Variants in LCOR observed in about 807,000 individuals in gnomAD.
LCOR encodes ligand-dependent corepressor.
A neutral mutation model predicts 64.4 loss-of-function variants in LCOR; 14 were observed. That is an observed-to-expected ratio of 0.22 (90% CI 0.14 to 0.34). The LOEUF is 0.34. Ranked by LOEUF, LCOR falls within the 10% of genes least tolerant of loss-of-function variation. The pLI, the probability that LCOR is intolerant of heterozygous loss-of-function variation, is 1.00. For missense variants in LCOR, 1,686 were observed against 1,765.3 expected, an observed-to-expected ratio of 0.96 and a Z score of 0.80; for synonymous variants, 643 against 642.5, an observed-to-expected ratio of 1.00 and a Z score of -0.01.
chr10:96,834,315 A>G lies in LCOR; in HGVS notation c.-330+836A>G, dbSNP rs186036868. 4.6e-5 allele frequency among the ~76,000 whole-genome samples: 7 copies of G among 152,342 alleles called. No individual in the cohort carries two copies. The East Asian group carries it at 9.6e-4, about 21-fold the overall frequency. On this transcript the variant is annotated intron_variant, in intron 2 of 7. Coordinates refer to ENST00000421806, the MANE Select transcript of LCOR (RefSeq NM_001346516.2). ...TAAAGGCATGAGTCAGTTTTTTGGTATAATTCGTCTCATGAATATATTTTA... is the reference window on the plus strand; with the variant it reads ...TAAAGGCATGAGTCAGTTTTTTGGTGTAATTCGTCTCATGAATATATTTTA...
chr10:96,935,139 C>CTTTTTTTTTT (rs34176037), intron 4 of LCOR, among the ~76,000 whole-genome samples: 3 of 65,546 alleles, frequency 4.6e-5, no homozygotes, highest in Non-Finnish European at 8.8e-5. Flanking sequence ...GGCTATTTTA[C>CTTTTTTTTTT]TTTTTTTTTT....
At chr10:96,955,485 A>G (rs1207771687) in intron 7 of LCOR, 2 of 1,614,092 alleles carry the variant, frequency 1.2e-6, no homozygotes, top group East Asian at 2.2e-5. Flanking sequence ...GAGCGCGCTT[A>G]GTAAAAAATT....
At chr10:96,909,328 A>C (rs1008446170) in intron 4 of LCOR, among the ~76,000 whole-genome samples, 17 of 152,162 alleles carry the variant, frequency 1.1e-4, no homozygotes, top group African/African-American at 3.9e-4. Flanking sequence ...CTTGTCTTCT[A>C]TACAGTTTTC....
intron 4 of LCOR, among the ~76,000 whole-genome samples, chr10:96,941,183 G>A (rs1362562104): frequency 2.1e-4 from 29 of 134,932 alleles, no homozygotes; most frequent in Non-Finnish European, 3.4e-4. Flanking sequence ...CTGGCCAGGC[G>A]GGGGGCTGAC....
chr10:96,949,418 A>C (rs1306567813), intron 6 of LCOR, 123 bp downstream of exon 6: 1 of 908,038 alleles, frequency 1.1e-6, no homozygotes, highest in African/African-American at 1.7e-5. Context: ...TGTGATTCTT[A>C]AATTATTTCT....
chr10:96,904,526 G>C (rs1846694736), intron 2 of LCOR, among the ~76,000 whole-genome samples: 2 of 152,292 alleles, frequency 1.3e-5, no homozygotes, highest in African/African-American at 4.8e-5. Context: ...ACATGGTGCA[G>C]GTTGCAGTGA....
Position 96,981,458 on chromosome 10 carries a change from G to A in LCOR, c.998G>A (p.Gly333Asp). Residue 333 changes from glycine to aspartate, a missense_variant, in exon 8 of 8, where the codon GGC becomes GAC. Gly to Asp is a moderately conservative substitution (Grantham distance 94). Transcript: ENST00000421806. ...VKMAAENSEEGNTCIIPQRNL... is the reference protein window; with the variant it reads ...VKMAAENSEEDNTCIIPQRNL... ...ATGGCAGCTGAGAATAGTGAGGAAG[G>A]CAATACCTGTATTATTCCTCAAAGA... 6.2e-7 allele frequency: 1 copy of A among 1,613,372 alleles called. No homozygotes were observed. Among genetic ancestry groups the A allele is most frequent in the Non-Finnish European group, 8.5e-7 (1 of 1,179,334 alleles).
At chr10:96,850,490 T>A (rs114220841) in intron 2 of LCOR, among the ~76,000 whole-genome samples, 2,636 of 152,274 alleles carry the variant, frequency 0.017, 70 homozygotes, top group African/African-American at 0.058. Context: ...AATTATTATT[T>A]TTTATTTATT....
Position 96,983,635 on chromosome 10 carries a change from T to G in LCOR, c.3175T>G (p.Ser1059Ala). The G allele has an allele frequency of 6.2e-7, 1 of 1,614,016 alleles. No individual in the cohort carries two copies. Among genetic ancestry groups the G allele is most frequent in the Non-Finnish European group, 8.5e-7 (1 of 1,180,008 alleles). The change falls in exon 8 of 8, where the codon TCA becomes GCA. Residue 1059 changes from serine (S) to alanine (A), a missense_variant. Transcript: ENST00000421806. This position sits in a 1 kb window ranked among gnomAD's most constrained non-coding sequence, Gnocchi z 4.5. ...CTCCTTGGATGCTTCAAAAGTGACT[T>G]CAGAAAAGGAAGCTGCACAAGTAAA... ...LGSLDASKVT[S>A]EKEAAQVNPI...
intron 4 of LCOR, among the ~76,000 whole-genome samples, chr10:96,922,188 T>C (rs751650326): frequency 2.4e-4 from 37 of 152,162 alleles, no homozygotes; most frequent in African/African-American, 6.5e-4. Flanking sequence ...TTATTTCTTA[T>C]ATATTTTTAA....
At chr10:96,964,574 T>C (rs897494744) in intron 7 of LCOR, 2 of 152,228 alleles carry the variant, frequency 1.3e-5, no homozygotes, top group Non-Finnish European at 2.9e-5. Context: ...AAATTCTTTC[T>C]AGATGCAATC....
chr10:96,955,394 T>C, intron 7 of LCOR: 1 of 1,614,118 alleles, frequency 6.2e-7, no homozygotes, highest in Non-Finnish European at 8.5e-7. Flanking sequence ...TACCACAAGT[T>C]CGAGGAATGG....
chr10:96,944,030 C>T, intron 4 of LCOR, 83 bp from the exon 5 acceptor site: 1 of 848,560 alleles, frequency 1.2e-6, no homozygotes, highest in African/African-American at 1.8e-5. Flanking sequence ...GCCTTATTTG[C>T]TACTAACTTT....
chr10:96,832,970 T>C (rs1043969309), intron 1 of LCOR: 117 of 897,244 alleles, frequency 1.3e-4, no homozygotes, highest in Non-Finnish European at 1.5e-4. Context: ...AAGCGTGAGG[T>C]GGAGATGGGG....
chr10:96,834,475 A>T (rs1191323576), intron 2 of LCOR, among the ~76,000 whole-genome samples: 1 of 152,172 alleles, frequency 6.6e-6, no homozygotes, highest in Non-Finnish European at 1.5e-5. Flanking sequence ...CATGTACTAA[A>T]ATGTTACGTC....
Position 96,982,062 on chromosome 10 carries a change from G to T in LCOR, c.1602G>T (p.Leu534Phe). Residue 534 changes from leucine to phenylalanine, a missense_variant, in exon 8 of 8, where the codon TTG (leucine) becomes TTT (phenylalanine). Coordinates refer to ENST00000421806, the MANE Select transcript of LCOR (RefSeq NM_001346516.2). ...HSQEKASCSA[L>F]ASEAVFTPKQ... is the part of the protein sequence containing the mutation. ...AGGAAAAAGCAAGCTGCTCAGCATT[G>T]GCATCAGAGGCAGTTTTCACTCCTA... 6.2e-7 allele frequency: 1 copy of T among 1,614,094 alleles called. No individual in the cohort carries two copies. The highest frequency in any genetic ancestry group is 8.5e-7 in the Non-Finnish European group (1 of 1,180,012).
chr10:96,881,625 T>G (rs1396972938), intron 2 of LCOR, among the ~76,000 whole-genome samples: 2 of 152,100 alleles, frequency 1.3e-5, no homozygotes, highest in African/African-American at 4.8e-5. Flanking sequence ...CCCGGCTATT[T>G]TTTGTATTTT....
At chr10:96,890,279 T>A (rs1846418241) in intron 2 of LCOR, among the ~76,000 whole-genome samples, 1 of 152,140 alleles carries the variant, frequency 6.6e-6, no homozygotes, top group Admixed American at 6.6e-5. Flanking sequence ...AGAAGGGGTC[T>A]GGCTGTGTTG....
At chr10:96,907,212 C>G (rs1223830651) in intron 2 of LCOR, 53 bp from the exon 3 acceptor site, 1 of 570,760 alleles carries the variant, frequency 1.8e-6, no homozygotes, top group Non-Finnish European at 2.2e-6. Flanking sequence ...AAAGATTATT[C>G]AATACTAGAA....
Sources: allele counts gnomAD v4.1 joint callset (sites outside exome capture counted in the v4.1 genomes callset), GRCh38; gene constraint gnomAD v4.1.1; non-coding constraint Gnocchi (gnomAD v3.1); transcripts MANE v1.5; gene names NCBI Gene and HGNC (gene_info 2026-07-23, HGNC 2026-07-21).